TMEM132B: variants seen among roughly 807,000 people sequenced by gnomAD.
The protein encoded by TMEM132B is transmembrane protein 132B.
Under a neutral mutation model 90.8 loss-of-function variants are expected in TMEM132B, and 18 were observed. That is an observed-to-expected ratio of 0.20 (90% CI 0.14 to 0.29). TMEM132B has a LOEUF of 0.29. TMEM132B is among the 10% of genes least tolerant of loss of function. TMEM132B has a pLI of 1.00. For synonymous variants in TMEM132B, 504 were observed against 523.3 expected (o/e 0.96, Z 0.50); for missense variants, 1,096 against 1,326.8 (o/e 0.83, Z 2.70).
chr12:125,374,442 GT>G (rs1878413374), intron 2 of TMEM132B, among the ~76,000 whole-genome samples: 2 of 146,484 alleles, frequency 1.4e-5, no homozygotes. Flanking sequence ...GTTTTTTTTT[GT>G]TTTTCCTTTG....
At chr12:125,631,927 A>G (rs572985079) in intron 5 of TMEM132B, among the ~76,000 whole-genome samples, 22 of 152,132 alleles carry the variant, frequency 1.4e-4, no homozygotes, top group African/African-American at 5.1e-4. Context: ...GTCTTTTTAA[A>G]AAATCCATTT....
At chr12:125,453,946 C>T (rs1049941898) in intron 3 of TMEM132B, among the ~76,000 whole-genome samples, 1 of 152,138 alleles carries the variant, frequency 6.6e-6, no homozygotes, top group Non-Finnish European at 1.5e-5. Context: ...GGCAGCTTGT[C>T]CTAATCCCCT....
intron 1 of TMEM132B, among the ~76,000 whole-genome samples, chr12:125,242,783 C>T (rs1366557111): frequency 6.6e-6 from 1 of 152,186 alleles, no homozygotes; most frequent in Non-Finnish European, 1.5e-5. Flanking sequence ...CTGGTCCAGC[C>T]CCAGAGCCTC....
At chr12:125,566,376 A>T (rs748936215) in intron 4 of TMEM132B, among the ~76,000 whole-genome samples, 2 of 152,300 alleles carry the variant, frequency 1.3e-5, no homozygotes, top group Non-Finnish European at 2.9e-5. Context: ...TAGATTTGTT[A>T]TGAGTATTGA....
chr12:125,281,212 G>C (rs1356140853), intron 1 of TMEM132B, among the ~76,000 whole-genome samples: 1 of 152,164 alleles, frequency 6.6e-6, no homozygotes, highest in Non-Finnish European at 1.5e-5. Flanking sequence ...ATGCAAATGC[G>C]GAGTGGGTGT....
At chr12:125,212,564 G>A (rs902026553) in intron 1 of TMEM132B, among the ~76,000 whole-genome samples, 9 of 152,036 alleles carry the variant, frequency 5.9e-5, no homozygotes, top group African/African-American at 2.2e-4. Flanking sequence ...TGTGGTGGTG[G>A]GCACCCATAA....
rs1044761004 is a variant in TMEM132B, at chr12:125,657,231, C to CA, written c.*2522dup. The CA allele has an allele frequency of 3.3e-5, 5 of 152,128 alleles. No individual in the cohort carries two copies. The highest frequency in any genetic ancestry group is 1.2e-4 in the African/African-American group (5 of 41,394). The allele number at this position is 152,128 out of a possible 1,614,324, so 9.4% of individuals were successfully genotyped here. A position where few individuals can be genotyped will look rare whatever the true frequency, so the allele number is the denominator to read the frequency against. On this transcript the variant is annotated 3_prime_UTR_variant, in exon 9 of 9. Transcript: ENST00000682704. The stretch of plus-strand genomic sequence containing the variant: ...GCCTTTGCTCCTCTGTGTTAAAACC[C>CA]AGTCAGTTCAAAATAACAATCAAAT...
At chr12:125,648,857 A>G (rs553245547) in intron 6 of TMEM132B, among the ~76,000 whole-genome samples, 1 of 152,288 alleles carries the variant, frequency 6.6e-6, no homozygotes, top group South Asian at 2.1e-4. Flanking sequence ...ATTGCAAAGA[A>G]AATTAAACAA....
chr12:125,540,229 G>T (rs1044995851), intron 4 of TMEM132B, among the ~76,000 whole-genome samples: 1 of 152,152 alleles, frequency 6.6e-6, no homozygotes, highest in South Asian at 2.1e-4. Flanking sequence ...GCTTTATGGT[G>T]TAGAGATAAT....
intron 5 of TMEM132B, among the ~76,000 whole-genome samples, chr12:125,611,509 G>T (rs903141703): frequency 1.3e-5 from 2 of 149,588 alleles, no homozygotes; most frequent in East Asian, 3.9e-4. Flanking sequence ...ATTAATTTGA[G>T]AACTTATATT....
chr12:125,426,007 T>C (rs1189548243), intron 3 of TMEM132B, among the ~76,000 whole-genome samples: 1 of 152,216 alleles, frequency 6.6e-6, no homozygotes, highest in African/African-American at 2.4e-5. Flanking sequence ...ATGTTTAGTT[T>C]TGTAAAAAAC....
chr12:125,435,385 G>A (rs1193878853), intron 3 of TMEM132B, among the ~76,000 whole-genome samples: 1 of 152,118 alleles, frequency 6.6e-6, no homozygotes, highest in Non-Finnish European at 1.5e-5. Context: ...CGGAAGGGGT[G>A]GAGCCCTCAG....
In TMEM132B at chr12:125,305,373, T is replaced by C. The variant is rs561352676; in HGVS notation, c.68-44079T>C. Among the ~76,000 whole-genome samples the C allele has an allele frequency of 1.3e-4, 19 of 150,754 alleles. 1 individual carries two copies. The highest frequency in any genetic ancestry group is 4.1e-4 in the African/African-American group (17 of 40,966). On this transcript the variant is annotated intron_variant, in intron 1 of 8. Coordinates refer to ENST00000682704, the MANE Select transcript of TMEM132B (RefSeq NM_001366854.1). ...TCGTAACTAAAGTTCTGATGGGAAGTGGGAGTCCAATTTTAATGGCTTATC... is the reference window on the plus strand; with the variant it reads ...TCGTAACTAAAGTTCTGATGGGAAGCGGGAGTCCAATTTTAATGGCTTATC...
intron 1 of TMEM132B, among the ~76,000 whole-genome samples, chr12:125,320,948 A>AGAACCTCACCTGAGCTCG (rs1876412251): frequency 6.6e-6 from 1 of 152,116 alleles, no homozygotes; most frequent in Middle Eastern, 3.2e-3. Context: ...ACCTGAGCTC[A>AGAACCTCACCTGAGCTCG]TTTATAACTT....
intron 3 of TMEM132B, among the ~76,000 whole-genome samples, chr12:125,429,387 G>A (rs1237380842): frequency 6.6e-6 from 1 of 151,130 alleles, no homozygotes; most frequent in African/African-American, 2.4e-5. Flanking sequence ...TGTATTTTTT[G>A]TAGAGATGGG....
In TMEM132B at chr12:125,602,076, C is replaced by G. The variant is rs570892335; in HGVS notation, c.1437+18082C>G. Among the ~76,000 whole-genome samples the G allele has an allele frequency of 2.6e-5, 4 of 152,322 alleles. No homozygotes were observed. In the South Asian group the frequency reaches 8.3e-4, roughly 32 times the overall value. On this transcript the variant is annotated intron_variant, in intron 5 of 8. Coordinates refer to ENST00000682704, the MANE Select transcript of TMEM132B (RefSeq NM_001366854.1). ...CCATTCCTTCTGAAACTATTCCAAA[C>G]AATTGAAAAGGAGGGACTCCTCCCT...
At position 125,350,282 on chromosome 12, in the gene TMEM132B, G is replaced by A; in HGVS notation, c.898G>A (p.Asp300Asn). 2.5e-6 allele frequency: 4 copies of A among 1,613,954 alleles called. No homozygotes were observed. The highest frequency in any genetic ancestry group is 3.4e-6 in the Non-Finnish European group (4 of 1,180,038). ...ACCTCTGAATCTAGTCCGGGAAGGG[G>A]ACACGGCCACCTTTTTGGTCTCTCT... ...SVPLNLVREG[D>N]TATFLVSLTS... The change falls in exon 2 of 9, where the codon GAC (aspartate) becomes AAC (asparagine). Residue 300 changes from aspartate to asparagine, a missense_variant. Asp to Asn is a conservative substitution (Grantham distance 23). Coordinates refer to ENST00000682704, the MANE Select transcript of TMEM132B (RefSeq NM_001366854.1).
intron 1 of TMEM132B, among the ~76,000 whole-genome samples, chr12:125,337,894 G>A (rs11058142): frequency 0.12 from 18,604 of 152,086 alleles, 1,262 homozygotes; most frequent in East Asian, 0.29. Context: ...CTTCCCCAAA[G>A]TCCGCCACTT....
At chr12:125,493,528 C>T (rs1490103559) in intron 3 of TMEM132B, among the ~76,000 whole-genome samples, 3 of 152,076 alleles carry the variant, frequency 2.0e-5, no homozygotes, top group African/African-American at 4.8e-5. Flanking sequence ...TCCACTGGCC[C>T]TCACTTCCAC....
Sources: gnomAD v4.1 joint callset for allele counts (sites outside exome capture counted in the v4.1 genomes callset) on GRCh38, gnomAD v4.1.1 for gene constraint, MANE v1.5 for transcripts, NCBI Gene and HGNC (gene_info 2026-07-23, HGNC 2026-07-21) for gene names.